Variants in CPT1A observed in about 807,000 individuals in gnomAD.
CPT1A encodes the protein carnitine O-palmitoyltransferase 1, liver isoform.
A neutral mutation model predicts 100.8 loss-of-function variants in CPT1A; 64 were observed. The ratio of observed to expected loss-of-function variants is 0.63; its 90% CI spans 0.52 to 0.78. The LOEUF (loss-of-function observed/expected upper bound fraction) is 0.78, where lower values mean the gene tolerates loss of function less well. Among genes scored for constraint, CPT1A ranks in the 30% least tolerant of loss-of-function variants. CPT1A has a pLI of 0.00. For missense variants in CPT1A, 802 were observed against 1,034.1 expected (o/e 0.78, Z 3.08); for synonymous variants, 363 against 396.0 (o/e 0.92, Z 0.99).
chr11:68,794,665 C>T, intron 8 of CPT1A, 139 bp downstream of exon 8: 1 of 753,128 alleles, frequency 1.3e-6, no homozygotes, highest in Non-Finnish European at 2.3e-6. Context: ...CCTGCTTTGG[C>T]CTCCCAAAGT....
At chr11:68,817,258 A>C (rs1856453592) in intron 1 of CPT1A, among the ~76,000 whole-genome samples, 1 of 151,914 alleles carries the variant, frequency 6.6e-6, no homozygotes, top group Admixed American at 6.6e-5. Flanking sequence ...GTGAGATCAA[A>C]ATCAGTGGCT....
chr11:68,834,767 T>C (rs1217995703), intron 1 of CPT1A, among the ~76,000 whole-genome samples: 2 of 151,530 alleles, frequency 1.3e-5, no homozygotes, highest in Admixed American at 6.6e-5. Flanking sequence ...ATTAAGCCAA[T>C]TCTGGGTGGA....
chr11:68,807,599 G>T lies in CPT1A; in HGVS notation c.321C>A (p.Gly107=). ...MSSQTKNVVS[G]VLFGTGLWVA... ...CCCACAGGCCGGTGCCAAACAGCAC[G>T]CCGCTGACCACGTTCTTCGTCTGGC... Residue 107 remains glycine, a synonymous_variant, in exon 4 of 19, where the codon GGC becomes GGA. Transcript: ENST00000265641. 6.2e-7 allele frequency: 1 copy of T among 1,614,178 alleles called. No individual in the cohort carries two copies. The highest frequency in any genetic ancestry group is 8.5e-7 in the Non-Finnish European group (1 of 1,180,046).
chr11:68,786,105 T>A, intron 9 of CPT1A: 1 of 701,256 alleles, frequency 1.4e-6, no homozygotes, highest in Non-Finnish European at 2.6e-6. Context: ...GCTCACCCTG[T>A]ATTCCCAGCA....
chr11:68,813,529 CAAAAAAAAAAAAAA>C, intron 2 of CPT1A, among the ~76,000 whole-genome samples: 1 of 81,514 alleles, frequency 1.2e-5, no homozygotes, highest in Non-Finnish European at 2.4e-5. Context: ...AGGCTCTGTC[CAAAAAAAAAAAAAA>C]AAAAAAAAAT....
At chr11:68,839,626 ATGC>A in intron 1 of CPT1A, 1 of 985,486 alleles carries the variant, frequency 1.0e-6, no homozygotes, top group Non-Finnish European at 1.2e-6. Flanking sequence ...CTGATGACAG[ATGC>A]TGCATCCAAC....
In CPT1A at chr11:68,756,710, T is replaced by C. The variant is rs1252162291; in HGVS notation, c.*934A>G. 6.6e-6 allele frequency: 1 copy of C among 152,260 alleles called. No individual in the cohort carries two copies. Among genetic ancestry groups the C allele is most frequent in the African/African-American group, 2.4e-5 (1 of 41,450 alleles). 9.4% of individuals were successfully genotyped at this position (152,260 alleles called of 1,614,324 possible). A position where few individuals can be genotyped will look rare whatever the true frequency, so the allele number is the denominator to read the frequency against. On this transcript the variant is annotated 3_prime_UTR_variant, in exon 19 of 19. Transcript: ENST00000265641. ...ATGTTTTATTCTTGAGTGAATTATC[T>C]GACCATCACGGCCCTTGCTCCCCTT... is the stretch of plus-strand genomic sequence containing the variant.
intron 3 of CPT1A, among the ~76,000 whole-genome samples, chr11:68,809,350 C>T (rs908297592): frequency 1.3e-5 from 2 of 152,160 alleles, no homozygotes; most frequent in African/African-American, 4.8e-5. Flanking sequence ...ATAAATGACA[C>T]ATTCAAGATT....
rs150350585 is a variant in CPT1A, at chr11:68,807,562, C to T, written c.358G>A (p.Val120Ile). 78 of 1,614,148 alleles carry T rather than the reference C, an allele frequency of 4.8e-5. No homozygotes were observed. In the African/African-American group the frequency reaches 7.9e-4, roughly 16 times the overall value. ...FGTGLWVALIVTMRYSLKVLL... is the reference protein window; with the variant it reads ...FGTGLWVALIITMRYSLKVLL... Reference sequence around the variant, plus strand: ...ACTTTCAGGGAGTAGCGCATGGTGACGATGAGGGCCACCCACAGGCCGGTG... The same window carrying T: ...ACTTTCAGGGAGTAGCGCATGGTGATGATGAGGGCCACCCACAGGCCGGTG... Residue 120 changes from valine to isoleucine, a missense_variant, in exon 4 of 19, where the codon GTC becomes ATC. By Grantham distance (29) the Val-to-Ile change is conservative. This residue lies in a region of CPT1A where 161 missense variants were observed against 183.7 expected (regional missense o/e 0.88). Transcript: ENST00000265641.
chr11:68,775,323 G>C lies in CPT1A; in HGVS notation c.1568C>G (p.Pro523Arg), dbSNP rs758459084. The change falls in exon 13 of 19, where the codon CCG (proline) becomes CGG (arginine). Residue 523 changes from proline (P) to arginine (R), a missense_variant. Transcript: ENST00000265641. ...TGGATAATCCGGACTTACTTCCCCC[G>C]GGATGTCCCACTGCAGCCTGGTGGG... is the stretch of plus-strand genomic sequence containing the variant. ...PYPTRLQWDI[P>R]GECQEVIETS... 3 of 1,612,276 alleles carry C rather than the reference G, an allele frequency of 1.9e-6. No homozygotes were observed. The highest frequency in any genetic ancestry group is 2.5e-6 in the Non-Finnish European group (3 of 1,178,468).
intron 1 of CPT1A, among the ~76,000 whole-genome samples, chr11:68,836,409 A>G (rs907215319): frequency 6.6e-6 from 1 of 151,986 alleles, no homozygotes; most frequent in Non-Finnish European, 1.5e-5. Context: ...CCCAAATGGG[A>G]GATTACGTTG....
intron 10 of CPT1A, among the ~76,000 whole-genome samples, chr11:68,783,679 T>C (rs1855376453): frequency 6.6e-6 from 1 of 152,216 alleles, no homozygotes; most frequent in Non-Finnish European, 1.5e-5. Context: ...GCGACACTTC[T>C]GGTTGTCACA....
intron 1 of CPT1A, among the ~76,000 whole-genome samples, chr11:68,825,352 T>C (rs1566385394): frequency 6.6e-6 from 1 of 152,104 alleles, no homozygotes; most frequent in Non-Finnish European, 1.5e-5. Flanking sequence ...GTGCCCCAGG[T>C]GCCCACCTCC....
chr11:68,806,265 GT>G (rs1244639020), intron 4 of CPT1A, among the ~76,000 whole-genome samples: 1 of 152,086 alleles, frequency 6.6e-6, no homozygotes, highest in Admixed American at 6.5e-5. Context: ...CTGAGCTCAG[GT>G]GGTTCACTGG....
At chr11:68,839,478 A>C in intron 1 of CPT1A, 4 of 983,366 alleles carry the variant, frequency 4.1e-6, no homozygotes, top group Non-Finnish European at 4.8e-6. Flanking sequence ...CGCCGTGCCC[A>C]CAGAGACCTT....
At chr11:68,786,202 A>C (rs1216269612) in intron 9 of CPT1A, among the ~76,000 whole-genome samples, 2 of 152,130 alleles carry the variant, frequency 1.3e-5, no homozygotes, top group East Asian at 3.9e-4. Flanking sequence ...TCTCTACAAA[A>C]AATACAAAAA....
At chr11:68,806,304 CAGCCATGAG>C (rs1453722938) in intron 4 of CPT1A, among the ~76,000 whole-genome samples, 2 of 151,932 alleles carry the variant, frequency 1.3e-5, no homozygotes, top group Non-Finnish European at 2.9e-5. Context: ...GCTGGGATTA[CAGCCATGAG>C]TAGCCATGCC....
At chr11:68,805,751 T>C (rs1856026761) in intron 4 of CPT1A, among the ~76,000 whole-genome samples, 1 of 152,354 alleles carries the variant, frequency 6.6e-6, no homozygotes, top group East Asian at 1.9e-4. Context: ...CCTGGTCCAT[T>C]ACAACCATTT....
intron 9 of CPT1A, 134 bp from the exon 10 acceptor site, chr11:68,785,144 A>G (rs1855423910): frequency 5.3e-6 from 4 of 749,832 alleles, no homozygotes; most frequent in South Asian, 2.9e-5. Context: ...TCAGGAACCT[A>G]TTCCTCAAGA....
Sources: gnomAD v4.1 joint callset for allele counts (sites outside exome capture counted in the v4.1 genomes callset) on GRCh38, gnomAD v4.1.1 for gene constraint, gnomAD v4.1.1 regional missense constraint, MANE v1.5 for transcripts, NCBI Gene and HGNC (gene_info 2026-07-23, HGNC 2026-07-21) for gene names.